Variants in IL6R observed in about 807,000 individuals in gnomAD.
IL6R encodes the protein interleukin-6 receptor subunit alpha.
Under a neutral mutation model 48.3 loss-of-function variants are expected in IL6R, and 38 were observed. That is an observed-to-expected ratio of 0.79 (90% CI 0.61 to 1.03). IL6R has a LOEUF of 1.03. IL6R is among the 50% of genes least tolerant of loss of function. IL6R has a pLI of 0.00. For synonymous variants in IL6R, 264 were observed against 256.2 expected (o/e 1.03, Z -0.29); for missense variants, 534 against 618.3 (o/e 0.86, Z 1.45).
At chr1:154,447,576 CAT>C (rs200616404) in intron 6 of IL6R, among the ~76,000 whole-genome samples, 19 of 143,204 alleles carry the variant, frequency 1.3e-4, no homozygotes, top group East Asian at 4.0e-4. Flanking sequence ...TATACACATA[CAT>C]ATATATATAT....
In IL6R at chr1:154,434,680, C is replaced by T. The variant is rs754823574; in HGVS notation, c.620C>T (p.Thr207Ile). Residue 207 changes from threonine (T) to isoleucine (I), a missense_variant, in exon 4 of 10, where the codon ACC (threonine) becomes ATC (isoleucine). Transcript: ENST00000368485. The stretch of plus-strand genomic sequence containing the variant: ...GGGAGCAAGTTCAGCAAAACTCAAA[C>T]CTTTCAGGGTTGTGGAATCTGTACG... ...SVGSKFSKTQTFQGCGILQPD... is the reference protein window; with the variant it reads ...SVGSKFSKTQIFQGCGILQPD... 6 of 1,614,082 alleles carry T rather than the reference C, an allele frequency of 3.7e-6. No homozygotes were observed. The highest frequency in any genetic ancestry group is 1.1e-5 in the South Asian group (1 of 91,078).
In IL6R at chr1:154,425,133, C is replaced by T. The variant is rs576866358; in HGVS notation, c.86-4063C>T. On this transcript the variant is annotated intron_variant, in intron 1 of 9. Transcript: ENST00000368485. Reference sequence around the variant, plus strand: ...GGGGTTGATCTTTAACTATCAGGCCCAGGGTGTGGCGCCGGGCTGTCTGCT... The same window carrying T: ...GGGGTTGATCTTTAACTATCAGGCCTAGGGTGTGGCGCCGGGCTGTCTGCT... 3.9e-4 allele frequency among the ~76,000 whole-genome samples: 60 copies of T among 152,276 alleles called. 1 individual carries two copies. The highest frequency in any genetic ancestry group is 1.7e-3 in the Admixed American group (26 of 15,292).
chr1:154,464,537 G>C (rs2149279753), intron 9 of IL6R, among the ~76,000 whole-genome samples: 1 of 152,258 alleles, frequency 6.6e-6, no homozygotes, highest in African/African-American at 2.4e-5. Context: ...ACAATTAAGG[G>C]ACTGTTAAGT....
chr1:154,410,075 G>T (rs908980702), intron 1 of IL6R, among the ~76,000 whole-genome samples: 2 of 152,156 alleles, frequency 1.3e-5, no homozygotes, highest in Non-Finnish European at 2.9e-5. Context: ...AGAGGGCTCT[G>T]TGGGGACACA....
chr1:154,412,034 G>A (rs995886761), intron 1 of IL6R, among the ~76,000 whole-genome samples: 6 of 142,278 alleles, frequency 4.2e-5, no homozygotes, highest in Non-Finnish European at 6.0e-5. Context: ...TGCAACATCC[G>A]CCTCCCAGGT....
chr1:154,450,679 A>G (rs1690534789), intron 8 of IL6R, among the ~76,000 whole-genome samples: 1 of 152,232 alleles, frequency 6.6e-6, no homozygotes, highest in Non-Finnish European at 1.5e-5. Context: ...CTGCAAGACC[A>G]GGAAAGCTTA....
At chr1:154,418,482 A>C in intron 1 of IL6R, 2 of 879,758 alleles carry the variant, frequency 2.3e-6, no homozygotes, top group Non-Finnish European at 2.7e-6. Flanking sequence ...GTACAAATAC[A>C]TATGTGGGGG....
chr1:154,414,461 G>A, intron 1 of IL6R: 2 of 1,171,082 alleles, frequency 1.7e-6, no homozygotes, highest in Non-Finnish European at 2.5e-6. Context: ...CTGCTGGCCG[G>A]CAAAACTATA....
chr1:154,436,122 G>C lies in IL6R; in HGVS notation c.949+12G>C. 6.3e-7 allele frequency: 1 copy of C among 1,586,988 alleles called. No homozygotes were observed. The highest frequency in any genetic ancestry group is 8.6e-7 in the Non-Finnish European group (1 of 1,160,678). Reference sequence around the variant, plus strand: ...CACGCCTTGGACAGGTACTGCGGTGGGCACTGAGAAAGGAAGGGATGTTTC... The same window carrying C: ...CACGCCTTGGACAGGTACTGCGGTGCGCACTGAGAAAGGAAGGGATGTTTC... On this transcript the variant is annotated intron_variant, in intron 6 of 9. Coordinates refer to ENST00000368485, the MANE Select transcript of IL6R (RefSeq NM_000565.4).
chr1:154,421,520 TCTTTGAGGGTGCTCA>T (rs1688662247), intron 1 of IL6R, among the ~76,000 whole-genome samples: 1 of 152,200 alleles, frequency 6.6e-6, no homozygotes, highest in African/African-American at 2.4e-5. Flanking sequence ...AGGCCTGATC[TCTTTGAGGGTGCTCA>T]CACCCTCCAT....
At chr1:154,426,161 G>GACAGAC (rs1688954060) in intron 1 of IL6R, among the ~76,000 whole-genome samples, 2 of 118,572 alleles carry the variant, frequency 1.7e-5, no homozygotes, top group Non-Finnish European at 3.6e-5. Context: ...CCCTGTATCA[G>GACAGAC]ACACACACAC....
chr1:154,405,545 G>T lies in IL6R; in HGVS notation c.-85G>T. On this transcript the variant is annotated 5_prime_UTR_variant, in exon 1 of 10. Transcript: ENST00000368485. The surrounding 1 kb of genome is among the most constrained non-coding windows in gnomAD (Gnocchi z 5.2). ...AGCCCGCCTGCCCGCCCACCGCCCCGCCCCGCCCCTGCCACCCCTGCCGCC... is the reference window on the plus strand; with the variant it reads ...AGCCCGCCTGCCCGCCCACCGCCCCTCCCCGCCCCTGCCACCCCTGCCGCC... 3.7e-5 allele frequency: 2 copies of T among 54,538 alleles called. No individual in the cohort carries two copies. Among genetic ancestry groups the T allele is most frequent in the South Asian group, 3.3e-4 (2 of 6,076 alleles). 3.4% of individuals were successfully genotyped at this position (54,538 alleles called of 1,614,324 possible). A position where few individuals can be genotyped will look rare whatever the true frequency, so the allele number is the denominator to read the frequency against.
At chr1:154,463,179 T>G (rs551152934) in intron 9 of IL6R, among the ~76,000 whole-genome samples, 1 of 152,182 alleles carries the variant, frequency 6.6e-6, no homozygotes, top group South Asian at 2.1e-4. Context: ...ATAGCTATGT[T>G]CTTTCTTTTC....
rs769250668 is a variant in IL6R at position 154,429,295 on chromosome 1, T to C, written c.185T>C (p.Leu62Pro). Residue 62 changes from leucine to proline, a missense_variant, in exon 2 of 10, where the codon CTC (leucine) becomes CCC (proline). Physicochemically the swap from Leu to Pro is moderately conservative, Grantham distance 98. Coordinates refer to ENST00000368485, the MANE Select transcript of IL6R (RefSeq NM_000565.4). ...GACAATGCCACTGTTCACTGGGTGC[T>C]CAGGAAGCCGGCTGCAGGCTCCCAC... Reference protein sequence around the residue: ...PEDNATVHWVLRKPAAGSHPS... With the variant: ...PEDNATVHWVPRKPAAGSHPS... The C allele has an allele frequency of 1.9e-6, 3 of 1,614,032 alleles. No individual in the cohort carries two copies. In the South Asian group the frequency reaches 3.3e-5, roughly 18 times the overall value.
Position 154,465,445 on chromosome 1 carries a change from G to T in IL6R, c.*65G>T. On this transcript the variant is annotated 3_prime_UTR_variant, in exon 10 of 10. Coordinates refer to ENST00000368485, the MANE Select transcript of IL6R (RefSeq NM_000565.4). ...TAAAACACAAACGGGCTCAGCAAAA[G>T]ATGCTTCTCACTGCCATGCCAGCTT... 6.3e-7 allele frequency: 1 copy of T among 1,580,012 alleles called. No homozygotes were observed. Among genetic ancestry groups the T allele is most frequent in the Non-Finnish European group, 8.7e-7 (1 of 1,151,396 alleles).
At chr1:154,413,363 G>A (rs773764913) in intron 1 of IL6R, among the ~76,000 whole-genome samples, 11 of 152,202 alleles carry the variant, frequency 7.2e-5, no homozygotes, top group Non-Finnish European at 5.9e-5. Flanking sequence ...CCTGCTGTGG[G>A]GAATAACTTT....
chr1:154,437,742 C>T (rs550476758), intron 6 of IL6R, among the ~76,000 whole-genome samples: 28 of 150,874 alleles, frequency 1.9e-4, no homozygotes, highest in African/African-American at 6.8e-4. Context: ...TAGACGGAAT[C>T]TCGCTCTGTT....
In IL6R at chr1:154,436,052, G is replaced by A; in HGVS notation, c.891G>A (p.Glu297=). The A allele has an allele frequency of 1.2e-6, 2 of 1,613,318 alleles. No homozygotes were observed. The highest frequency in any genetic ancestry group is 1.3e-5 in the African/African-American group (1 of 75,088). The part of the protein sequence containing the change: ...RHVVQLRAQE[E]FGQGEWSEWS... ...TGGTGCAGCTTCGTGCCCAGGAGGA[G>A]TTCGGGCAAGGCGAGTGGAGCGAGT... Residue 297 remains glutamate, a synonymous_variant, in exon 6 of 10, where the codon GAG becomes GAA. Coordinates refer to ENST00000368485, the MANE Select transcript of IL6R (RefSeq NM_000565.4).
chr1:154,415,457 C>A (rs183793389), intron 1 of IL6R, among the ~76,000 whole-genome samples: 1 of 152,164 alleles, frequency 6.6e-6, no homozygotes, highest in African/African-American at 2.4e-5. Context: ...TGGGTTTATA[C>A]GCCTCTTGGC....
Sources: allele counts gnomAD v4.1 joint callset (sites outside exome capture counted in the v4.1 genomes callset), GRCh38; gene constraint gnomAD v4.1.1; non-coding constraint Gnocchi (gnomAD v3.1); transcripts MANE v1.5; gene names NCBI Gene and HGNC (gene_info 2026-07-23, HGNC 2026-07-21).